Variants in RICTOR observed in about 807,000 individuals in gnomAD.
RICTOR encodes the protein RPTOR independent companion of MTOR complex 2, also known as rapamycin-insensitive companion of mTOR.
RICTOR carries 49 observed loss-of-function variants against 214.9 expected under a neutral mutation model. The ratio of observed to expected loss-of-function variants is 0.23; its 90% CI spans 0.18 to 0.29. RICTOR has a LOEUF of 0.29. Ranked by LOEUF, RICTOR falls within the 10% of genes least tolerant of loss-of-function variation. The pLI, the probability that RICTOR is intolerant of heterozygous loss-of-function variation, is 1.00. For missense variants in RICTOR, 1,625 were observed against 2,047.0 expected, an observed-to-expected ratio of 0.79 and a Z score of 3.98; for synonymous variants, 717 against 711.3, an observed-to-expected ratio of 1.01 and a Z score of -0.13.
chr5:38,985,520 T>C lies in RICTOR; in HGVS notation c.584-3484A>G, dbSNP rs148330225. Among the ~76,000 whole-genome samples the C allele has an allele frequency of 8.1e-4, 124 of 152,326 alleles. 1 individual carries two copies. Among genetic ancestry groups the C allele is most frequent in the African/African-American group, 2.9e-3 (119 of 41,570 alleles). On this transcript the variant is annotated intron_variant, in intron 7 of 37. Coordinates refer to ENST00000357387, the MANE Select transcript of RICTOR (RefSeq NM_152756.5). ...CCTTTTTATTGGATTGTTCTGGCAC[T>C]GCTTGTTTTTGTGACTCCTTATAGT...
chr5:39,032,334 T>C lies in RICTOR; in HGVS notation c.98-11198A>G, dbSNP rs577201738. Among the ~76,000 whole-genome samples the C allele has an allele frequency of 6.6e-5, 10 of 152,296 alleles. No homozygotes were observed. The East Asian group carries it at 1.2e-3, about 18-fold the overall frequency. Reference sequence around the variant, plus strand: ...GAAGCACATAATAATCTTTTGATCATTGGTATATTTTAAATATAAATACAA... The same window carrying C: ...GAAGCACATAATAATCTTTTGATCACTGGTATATTTTAAATATAAATACAA... On this transcript the variant is annotated intron_variant, in intron 2 of 37. Coordinates refer to ENST00000357387, the MANE Select transcript of RICTOR (RefSeq NM_152756.5).
chr5:39,065,831 C>T (rs533420325), intron 2 of RICTOR, among the ~76,000 whole-genome samples: 12 of 152,370 alleles, frequency 7.9e-5, no homozygotes, highest in East Asian at 3.9e-4. Flanking sequence ...GGTGGGCTCC[C>T]AAGGCTTTGG....
intron 9 of RICTOR, among the ~76,000 whole-genome samples, chr5:38,977,950 A>C (rs548881514): frequency 1.3e-5 from 2 of 152,202 alleles, no homozygotes; most frequent in Non-Finnish European, 2.9e-5. Context: ...CAGTAAGTTT[A>C]TGTCTACATT....
intron 5 of RICTOR, among the ~76,000 whole-genome samples, chr5:39,001,435 T>C (rs551001208): frequency 1.3e-5 from 2 of 152,130 alleles, no homozygotes; most frequent in South Asian, 4.1e-4. Context: ...AACCATCAAA[T>C]GAGATCAAAT....
intron 2 of RICTOR, among the ~76,000 whole-genome samples, chr5:39,067,502 CTT>C (rs1458778406): frequency 6.6e-6 from 1 of 152,152 alleles, no homozygotes; most frequent in Non-Finnish European, 1.5e-5. Flanking sequence ...AATTTTCTCT[CTT>C]CTCTTCTATT....
intron 9 of RICTOR, among the ~76,000 whole-genome samples, chr5:38,977,592 C>CTTTTT (rs34467191): frequency 1.3e-4 from 11 of 83,224 alleles, no homozygotes; most frequent in Non-Finnish European, 2.0e-4. Context: ...TATGAAACCA[C>CTTTTT]TTTTTTTTTT....
chr5:38,947,441 C>T lies in RICTOR; in HGVS notation c.4137G>A (p.Arg1379=), dbSNP rs1748333065. 4 of 1,596,964 alleles carry T rather than the reference C, an allele frequency of 2.5e-6. No homozygotes were observed. Among genetic ancestry groups the T allele is most frequent in the Non-Finnish European group, 3.4e-6 (4 of 1,168,084 alleles). Residue 1379 remains arginine (R), a splice_region_variant and synonymous_variant, in exon 32 of 38, where the codon AGG becomes AGA. Coordinates refer to ENST00000357387, the MANE Select transcript of RICTOR (RefSeq NM_152756.5). ...ATGCATAACTTAAGGCTTTCATGAA[C>T]CTATAAAACCATAAAGAAACCACTT... is the stretch of plus-strand genomic sequence containing the variant. ...NSFESRLTPS[R]FMKALSYASL... is the part of the protein sequence containing the mutation.
chr5:39,052,236 C>T (rs926373828), intron 2 of RICTOR, among the ~76,000 whole-genome samples: 1 of 151,992 alleles, frequency 6.6e-6, no homozygotes, highest in Non-Finnish European at 1.5e-5. Context: ...ATTAGCCAGG[C>T]GTGGTGGTAT....
At chr5:38,985,350 T>C (rs1012903331) in intron 7 of RICTOR, among the ~76,000 whole-genome samples, 36 of 152,178 alleles carry the variant, frequency 2.4e-4, no homozygotes, top group Non-Finnish European at 1.5e-5. Context: ...ATACTGTATT[T>C]AAAATTTTTT....
intron 9 of RICTOR, among the ~76,000 whole-genome samples, chr5:38,976,476 T>C (rs1751241252): frequency 6.6e-6 from 1 of 151,070 alleles, no homozygotes; most frequent in African/African-American, 2.4e-5. Context: ...ATTGAAAAGC[T>C]CAAAGAAAAA....
chr5:38,941,010 G>C lies in RICTOR; in HGVS notation c.*1294C>G. On this transcript the variant is annotated 3_prime_UTR_variant, in exon 38 of 38. Transcript: ENST00000357387. ...CTATTTATATATAGATCTCAAAAAAGATAATCCTTTCATTTACAAGCATTC... is the reference window on the plus strand; with the variant it reads ...CTATTTATATATAGATCTCAAAAAACATAATCCTTTCATTTACAAGCATTC... 4.3e-6 allele frequency: 1 copy of C among 232,742 alleles called. No homozygotes were observed. Among genetic ancestry groups the C allele is most frequent in the Non-Finnish European group, 8.5e-6 (1 of 117,558 alleles). 14.4% of individuals were successfully genotyped at this position (232,742 alleles called of 1,614,324 possible). A position where few individuals can be genotyped will look rare whatever the true frequency, so the allele number is the denominator to read the frequency against.
chr5:38,959,220 G>C lies in RICTOR; in HGVS notation c.2153C>G (p.Ser718Cys). ...SRDGLARVIL[S>C]KILTAATDAC... Reference sequence around the variant, plus strand: ...ATCAGTAGCTGCAGTTAAAATTTTGGAAAGGATGACTCTAGCCAATCCATC... The same window carrying C: ...ATCAGTAGCTGCAGTTAAAATTTTGCAAAGGATGACTCTAGCCAATCCATC... The change falls in exon 22 of 38, where the codon TCC becomes TGC. Residue 718 changes from serine (S) to cysteine (C), a missense_variant. Ser to Cys is a moderately radical substitution (Grantham distance 112). Around this residue, in one of 5 missense-constraint regions of RICTOR, gnomAD observed 1,214 missense variants for 1,470.5 expected, o/e 0.83. Coordinates refer to ENST00000357387, the MANE Select transcript of RICTOR (RefSeq NM_152756.5). 6.3e-7 allele frequency: 1 copy of C among 1,595,730 alleles called. No individual in the cohort carries two copies. Among genetic ancestry groups the C allele is most frequent in the Non-Finnish European group, 8.5e-7 (1 of 1,171,470 alleles).
chr5:39,039,909 C>T (rs1311429086), intron 2 of RICTOR, among the ~76,000 whole-genome samples: 4 of 151,542 alleles, frequency 2.6e-5, no homozygotes, highest in East Asian at 3.9e-4. Flanking sequence ...GTCAGTGTGG[C>T]GATTCCTCAG....
intron 2 of RICTOR, among the ~76,000 whole-genome samples, chr5:39,063,550 G>C (rs185436336): frequency 1.2e-4 from 18 of 152,116 alleles, no homozygotes; most frequent in Non-Finnish European, 1.8e-4. Flanking sequence ...CTTCCTTCTA[G>C]GTCATTCCTT....
chr5:39,028,985 C>T (rs1306210583), intron 2 of RICTOR, among the ~76,000 whole-genome samples: 1 of 152,058 alleles, frequency 6.6e-6, no homozygotes, highest in South Asian at 2.1e-4. Flanking sequence ...GAAAAAGAAG[C>T]CAGACACAAG....
At chr5:39,019,388 C>T (rs1465480326) in intron 3 of RICTOR, among the ~76,000 whole-genome samples, 1 of 152,040 alleles carries the variant, frequency 6.6e-6, no homozygotes, top group African/African-American at 2.4e-5. Flanking sequence ...AAAAGACAGG[C>T]TGACTCATGT....
At position 38,939,849 on chromosome 5, in the gene RICTOR, C is replaced by A. The variant is rs1206841989; in HGVS notation, c.*2455G>T. 8.9e-6 allele frequency: 2 copies of A among 223,766 alleles called. No homozygotes were observed. The highest frequency in any genetic ancestry group is 1.8e-5 in the Non-Finnish European group (2 of 112,188). The allele number at this position is 223,766 out of a possible 1,614,324, so 13.9% of individuals were successfully genotyped here. A position where few individuals can be genotyped will look rare whatever the true frequency, so the allele number is the denominator to read the frequency against. On this transcript the variant is annotated 3_prime_UTR_variant, in exon 38 of 38. Coordinates refer to ENST00000357387, the MANE Select transcript of RICTOR (RefSeq NM_152756.5). ...CTATTACTGCTGATATCATTCCTAA[C>A]CTCTTCTGCTATAATTTAATATTTT...
intron 31 of RICTOR, among the ~76,000 whole-genome samples, chr5:38,948,104 TCATA>T: frequency 6.6e-6 from 1 of 152,262 alleles, no homozygotes; most frequent in African/African-American, 2.4e-5. Context: ...TACATGTTTC[TCATA>T]CAGATTCTTA....
At chr5:38,952,507 A>G (rs2112870806) in intron 29 of RICTOR, 82 bp from the exon 30 acceptor site, 1 of 935,774 alleles carries the variant, frequency 1.1e-6, no homozygotes, top group Admixed American at 2.4e-5. Flanking sequence ...TTTGCTATAC[A>G]TACTTTGAAC....
Sources: gnomAD v4.1 joint callset for allele counts (sites outside exome capture counted in the v4.1 genomes callset) on GRCh38, gnomAD v4.1.1 for gene constraint, gnomAD v4.1.1 regional missense constraint, MANE v1.5 for transcripts, NCBI Gene and HGNC (gene_info 2026-07-23, HGNC 2026-07-21) for gene names.